Variants in SNTG1 observed in about 807,000 individuals in gnomAD.
The protein encoded by SNTG1 is syntrophin gamma 1, also known as gamma-1-syntrophin.
Under a neutral mutation model 74.7 loss-of-function variants are expected in SNTG1, and 39 were observed. The observed-to-expected ratio is 0.52, with a 90% CI of 0.40 to 0.68. The LOEUF (loss-of-function observed/expected upper bound fraction) is 0.68. SNTG1 is among the 30% of genes least tolerant of loss of function. The pLI is 0.00. For synonymous variants in SNTG1, 254 were observed against 217.1 expected, an observed-to-expected ratio of 1.17 and a Z score of -1.49; for missense variants, 685 against 609.5, an observed-to-expected ratio of 1.12 and a Z score of -1.30.
intron 1 of SNTG1, among the ~76,000 whole-genome samples, chr8:50,036,430 A>G (rs1818172504): frequency 6.6e-6 from 1 of 152,152 alleles, no homozygotes; most frequent in African/African-American, 2.4e-5. Context: ...GTTATTCACT[A>G]AGCTTCAGCA....
intron 1 of SNTG1, among the ~76,000 whole-genome samples, chr8:50,000,945 G>T (rs914785889): frequency 1.3e-5 from 2 of 152,160 alleles, no homozygotes; most frequent in Admixed American, 6.6e-5. Context: ...AGTTGTCAAA[G>T]CCTTTCTTTT....
intron 2 of SNTG1, among the ~76,000 whole-genome samples, chr8:50,370,221 C>T (rs1041175078): frequency 3.9e-5 from 6 of 152,240 alleles, no homozygotes; most frequent in Middle Eastern, 3.4e-3. Context: ...AGATTCTGGG[C>T]GTGCTATGAA....
chr8:50,446,297 C>G (rs1313464895), intron 5 of SNTG1, among the ~76,000 whole-genome samples: 2 of 150,974 alleles, frequency 1.3e-5, no homozygotes, highest in African/African-American at 4.9e-5. Context: ...TGAGTTTTGT[C>G]TTAAAATTCA....
rs539628835 is a variant in SNTG1 at position 50,437,107 on chromosome 8, T to C, written c.163-1436T>C. 2.0e-5 allele frequency among the ~76,000 whole-genome samples: 3 copies of C among 152,300 alleles called. No individual in the cohort carries two copies. The South Asian group carries it at 6.2e-4, about 32-fold the overall frequency. ...TTTAATGTTGGTTTGAAAGTATGATTGGATGACAGATTATAAGAGTAACAT... is the reference window on the plus strand; with the variant it reads ...TTTAATGTTGGTTTGAAAGTATGATCGGATGACAGATTATAAGAGTAACAT... On this transcript the variant is annotated intron_variant, in intron 4 of 18. Transcript: ENST00000642720.
intron 4 of SNTG1, among the ~76,000 whole-genome samples, chr8:50,438,021 T>C (rs143749267): frequency 6.9e-4 from 105 of 152,326 alleles, no homozygotes; most frequent in African/African-American, 2.4e-3. Context: ...GCAATTAGTT[T>C]ATTTTGGACT....
At chr8:50,558,303 C>T (rs569451615) in intron 12 of SNTG1, among the ~76,000 whole-genome samples, 102 of 152,290 alleles carry the variant, frequency 6.7e-4, no homozygotes, top group African/African-American at 2.4e-3. Context: ...GGAACAGTAA[C>T]AGAGATGTCT....
chr8:50,550,322 T>A (rs2094417108), intron 11 of SNTG1, among the ~76,000 whole-genome samples: 2 of 152,152 alleles, frequency 1.3e-5, no homozygotes, highest in South Asian at 4.1e-4. Flanking sequence ...CATTTTAGTC[T>A]CTGCAGCTCT....
Position 50,150,719 on chromosome 8 carries a change from C to A in SNTG1, c.-102-21842C>A, listed in dbSNP as rs190782180. On this transcript the variant is annotated intron_variant, in intron 1 of 18. Coordinates refer to ENST00000642720, the MANE Select transcript of SNTG1 (RefSeq NM_018967.5). ...ATTTATTGATTTGTGTATGTTGAAC[C>A]AGCCTGTATGTTGAACCAGACTTGC... is the stretch of plus-strand genomic sequence containing the variant. 1.4e-3 allele frequency among the ~76,000 whole-genome samples: 207 copies of A among 152,130 alleles called. 1 individual carries two copies. Among genetic ancestry groups the A allele is most frequent in the Middle Eastern group, 0.01 (3 of 294 alleles).
At chr8:49,933,815 C>T (rs1807805947) in intron 1 of SNTG1, among the ~76,000 whole-genome samples, 2 of 152,118 alleles carry the variant, frequency 1.3e-5, no homozygotes, top group South Asian at 2.1e-4. Flanking sequence ...CTGTTTGATG[C>T]TTATTAATTC....
chr8:50,016,110 C>T (rs66500176), intron 1 of SNTG1, among the ~76,000 whole-genome samples: 16,755 of 152,004 alleles, frequency 0.11, 1,110 homozygotes, highest in South Asian at 0.21. Flanking sequence ...TGGATCAGAC[C>T]GTCAGCAGAC....
chr8:50,735,818 A>C (rs936242423), intron 17 of SNTG1, among the ~76,000 whole-genome samples: 1 of 151,960 alleles, frequency 6.6e-6, no homozygotes, highest in African/African-American at 2.4e-5. Context: ...ACACATAATC[A>C]TCAGATTAAC....
At chr8:50,475,614 A>G (rs1254327883) in intron 8 of SNTG1, among the ~76,000 whole-genome samples, 1 of 152,192 alleles carries the variant, frequency 6.6e-6, no homozygotes, top group Non-Finnish European at 1.5e-5. Flanking sequence ...CCGGCCTCCC[A>G]GTAAAACCAA....
In SNTG1 at chr8:50,171,652, G is replaced by T. The variant is rs146587605; in HGVS notation, c.-102-909G>T. ...GAGTGTTAACCATCACACCATCCAA[G>T]AATTATTCCTAGCACATCTCACAAG... On this transcript the variant is annotated intron_variant, in intron 1 of 18. Coordinates refer to ENST00000642720, the MANE Select transcript of SNTG1 (RefSeq NM_018967.5). Among the ~76,000 whole-genome samples, 148 of 152,252 alleles carry T rather than the reference G, an allele frequency of 9.7e-4. 1 individual carries two copies. The highest frequency in any genetic ancestry group is 1.6e-3 in the Admixed American group (25 of 15,286).
intron 4 of SNTG1, among the ~76,000 whole-genome samples, chr8:50,433,081 C>G (rs183395808): frequency 6.6e-6 from 1 of 152,266 alleles, no homozygotes; most frequent in African/African-American, 2.4e-5. Context: ...TGAGCCACTG[C>G]GCCAGGCCAC....
intron 2 of SNTG1, among the ~76,000 whole-genome samples, chr8:50,362,288 G>C (rs893312749): frequency 1.3e-5 from 2 of 152,014 alleles, no homozygotes; most frequent in East Asian, 3.9e-4. Flanking sequence ...CTTCCAGTGC[G>C]GTACCAAAGA....
intron 18 of SNTG1, among the ~76,000 whole-genome samples, chr8:50,767,902 T>G (rs1357940233): frequency 6.6e-6 from 1 of 152,068 alleles, no homozygotes; most frequent in Non-Finnish European, 1.5e-5. Flanking sequence ...TCATTGAATT[T>G]CATGATAATT....
intron 2 of SNTG1, among the ~76,000 whole-genome samples, chr8:50,386,884 A>C (rs775741060): frequency 6.6e-6 from 1 of 152,128 alleles, no homozygotes; most frequent in Non-Finnish European, 1.5e-5. Context: ...TGAGATTTGG[A>C]GTGGACGAAC....
intron 13 of SNTG1, among the ~76,000 whole-genome samples, chr8:50,651,121 A>G (rs1306819328): frequency 2.0e-5 from 3 of 152,118 alleles, no homozygotes; most frequent in African/African-American, 4.8e-5. Flanking sequence ...GCTTGCCATG[A>G]GTATTTACAT....
chr8:50,133,682 C>T (rs567175056), intron 1 of SNTG1, among the ~76,000 whole-genome samples: 2 of 152,242 alleles, frequency 1.3e-5, no homozygotes, highest in South Asian at 4.1e-4. Context: ...TGTGTCACCC[C>T]AGTCTCTGCC....
Sources: gnomAD v4.1 joint callset for allele counts (sites outside exome capture counted in the v4.1 genomes callset) on GRCh38, gnomAD v4.1.1 for gene constraint, MANE v1.5 for transcripts, NCBI Gene and HGNC (gene_info 2026-07-23, HGNC 2026-07-21) for gene names.